The following ARL14EP variants were observed in gnomAD, a reference collection of about 807,000 sequenced individuals.
ARL14EP encodes ARL14 effector protein.
A neutral mutation model predicts 23.1 loss-of-function variants in ARL14EP; 12 were observed. The ratio of observed to expected loss-of-function variants is 0.52; its 90% CI spans 0.33 to 0.84. ARL14EP has a LOEUF of 0.84. Among genes scored for constraint, ARL14EP ranks in the 40% least tolerant of loss-of-function variants. ARL14EP has a pLI of 0.02. For missense variants in ARL14EP, 253 were observed against 307.3 expected, an observed-to-expected ratio of 0.82 and a Z score of 1.32; for synonymous variants, 97 against 102.0, an observed-to-expected ratio of 0.95 and a Z score of 0.29.
Position 30,330,970 on chromosome 11 carries a change from G to T in ARL14EP, c.22G>T (p.Gly8Ter). MMDPCSVGVQLRTTNECH... is the reference protein window; with the variant it reads MMDPCSV Reference sequence around the variant, plus strand: ...AAGAATGATGGATCCATGTTCAGTTGGAGTCCAGCTTCGTACTACAAATGA... The same window carrying T: ...AAGAATGATGGATCCATGTTCAGTTTGAGTCCAGCTTCGTACTACAAATGA... Residue 8 changes from glycine to a stop codon, truncating the protein, a stop_gained, in exon 2 of 4, where the codon GGA (glycine) becomes TGA (stop). Transcript: ENST00000282032. LOFTEE classifies it high-confidence loss of function. The T allele has an allele frequency of 3.1e-6, 5 of 1,613,662 alleles. No homozygotes were observed. The highest frequency in any genetic ancestry group is 3.4e-6 in the Non-Finnish European group (4 of 1,179,726).
chr11:30,335,460 A>G (rs946748196), intron 3 of ARL14EP, among the ~76,000 whole-genome samples: 1 of 152,280 alleles, frequency 6.6e-6, no homozygotes, highest in Non-Finnish European at 1.5e-5. Context: ...CTACAGAGAA[A>G]TCTTTTGTAA....
intron 2 of ARL14EP, among the ~76,000 whole-genome samples, chr11:30,332,466 A>G (rs1452481631): frequency 1.3e-5 from 2 of 152,136 alleles, no homozygotes; most frequent in African/African-American, 4.8e-5. Flanking sequence ...TTGAAATCAT[A>G]TTCTCTGCTC....
At chr11:30,330,093 T>C (rs1268742132) in intron 1 of ARL14EP, 1 of 152,134 alleles carries the variant, frequency 6.6e-6, no homozygotes, top group African/African-American at 2.4e-5. Context: ...TTTTTCCATA[T>C]GGTTAAAGTC....
Position 30,332,997 on chromosome 11 carries a change from G to A in ARL14EP, c.554+4G>A, listed in dbSNP as rs377605857. ...ATGCAACCGCTGGTTCAGACAGGTA[G>A]GCTAAGTGTTACTGAAGACATGTTA... On this transcript the variant is annotated splice_donor_region_variant and intron_variant, in intron 3 of 3. Transcript: ENST00000282032. 3.1e-6 allele frequency: 5 copies of A among 1,612,502 alleles called. No homozygotes were observed. Among genetic ancestry groups the A allele is most frequent in the South Asian group, 1.1e-5 (1 of 90,946 alleles).
intron 1 of ARL14EP, chr11:30,329,076 A>G (rs1947263228): frequency 1.3e-5 from 2 of 152,114 alleles, no homozygotes; most frequent in South Asian, 4.1e-4. Flanking sequence ...TTTTTGGGGA[A>G]AATAATGTTT....
intron 1 of ARL14EP, among the ~76,000 whole-genome samples, chr11:30,327,160 A>G (rs1277127569): frequency 6.6e-6 from 1 of 152,170 alleles, no homozygotes; most frequent in Non-Finnish European, 1.5e-5. Flanking sequence ...CAGAAGGCTG[A>G]GGTGAGAAGA....
Position 30,334,780 on chromosome 11 carries a change from A to G in ARL14EP, c.554+1787A>G, listed in dbSNP as rs112807562. Among the ~76,000 whole-genome samples, 464 of 152,310 alleles carry G rather than the reference A, an allele frequency of 3.0e-3. 2 individuals are homozygous for G. The highest frequency in any genetic ancestry group is 4.6e-3 in the Non-Finnish European group (312 of 68,028). On this transcript the variant is annotated intron_variant, in intron 3 of 3. Transcript: ENST00000282032. ...ACAGCATTGTTCATTGAATATTTTAAGCCCACTTGAGAGACCTCCTGCCTA... is the reference window on the plus strand; with the variant it reads ...ACAGCATTGTTCATTGAATATTTTAGGCCCACTTGAGAGACCTCCTGCCTA...
intron 1 of ARL14EP, chr11:30,328,625 A>AT: frequency 6.6e-6 from 1 of 152,212 alleles, no homozygotes; most frequent in East Asian, 1.9e-4. Context: ...AGTGTATTTT[A>AT]TTTTTTAACT....
intron 1 of ARL14EP, among the ~76,000 whole-genome samples, chr11:30,325,321 T>G (rs1262144547): frequency 6.6e-6 from 1 of 152,196 alleles, no homozygotes; most frequent in Admixed American, 6.5e-5. Context: ...AGCAAATTAT[T>G]CATAAATTCA....
intron 3 of ARL14EP, among the ~76,000 whole-genome samples, chr11:30,335,390 G>T (rs1371002580): frequency 6.6e-6 from 1 of 152,160 alleles, no homozygotes; most frequent in African/African-American, 2.4e-5. Context: ...GAATTTGAGA[G>T]GATGACTCCA....
intron 1 of ARL14EP, chr11:30,328,667 G>C (rs1293329606): frequency 6.6e-6 from 1 of 151,986 alleles, no homozygotes; most frequent in African/African-American, 2.4e-5. Flanking sequence ...CTAAAACACA[G>C]ACATTTATTC....
At position 30,331,244 on chromosome 11, in the gene ARL14EP, C is replaced by G. The variant is rs774960827; in HGVS notation, c.296C>G (p.Thr99Ser). The change falls in exon 2 of 4, where the codon ACT (threonine) becomes AGT (serine). Residue 99 changes from threonine (T) to serine (S), a missense_variant. Coordinates refer to ENST00000282032, the MANE Select transcript of ARL14EP (RefSeq NM_152316.3). ...NLHVIDLDDA[T>S]FLSAKFGRQL... is the part of the protein sequence containing the mutation. The stretch of plus-strand genomic sequence containing the variant: ...CATGTAATTGACTTAGATGATGCCA[C>G]TTTTCTGAGTGCTAAATTTGGAAGA... The G allele has an allele frequency of 6.2e-6, 10 of 1,613,878 alleles. No individual in the cohort carries two copies. Among genetic ancestry groups the G allele is most frequent in the African/African-American group, 1.3e-5 (1 of 74,908 alleles).
chr11:30,327,994 A>G lies in ARL14EP; in HGVS notation c.-63-2892A>G, dbSNP rs554909833. ...CCGTCTCAAAAAATATATATAAAAA[A>G]TAAGAAAGGTCAAAGCCAGATTGTG... is the stretch of plus-strand genomic sequence containing the variant. On this transcript the variant is annotated intron_variant, in intron 1 of 3. Coordinates refer to ENST00000282032, the MANE Select transcript of ARL14EP (RefSeq NM_152316.3). The G allele has an allele frequency of 2.0e-5, 3 of 152,158 alleles. No individual in the cohort carries two copies. The East Asian group carries it at 5.8e-4, about 30-fold the overall frequency. The allele number at this position is 152,158 out of a possible 1,614,324, so 9.4% of individuals were successfully genotyped here.
chr11:30,328,093 T>G (rs201564675), intron 1 of ARL14EP: 1 of 151,826 alleles, frequency 6.6e-6, no homozygotes, highest in Non-Finnish European at 1.5e-5. Context: ...CTTTTTCTCC[T>G]CCTTAATTTA....
At chr11:30,327,987 A>G (rs1477739513) in intron 1 of ARL14EP, 1 of 152,026 alleles carries the variant, frequency 6.6e-6, no homozygotes, top group Non-Finnish European at 1.5e-5. Flanking sequence ...AAAAATATAT[A>G]TAAAAAATAA....
intron 1 of ARL14EP, among the ~76,000 whole-genome samples, chr11:30,324,000 T>C (rs974691391): frequency 3.9e-5 from 6 of 152,214 alleles, no homozygotes; most frequent in Non-Finnish European, 7.3e-5. Flanking sequence ...TGTACCTAGA[T>C]CTTCCTGAGG....
chr11:30,326,538 C>T (rs1230821057), intron 1 of ARL14EP, among the ~76,000 whole-genome samples: 5 of 152,156 alleles, frequency 3.3e-5, no homozygotes, highest in African/African-American at 4.8e-5. Flanking sequence ...TGAGCAAAAA[C>T]AGTTGCTAGG....
intron 1 of ARL14EP, chr11:30,329,592 CATCTT>C (rs1161135453): frequency 2.0e-5 from 3 of 152,172 alleles, no homozygotes; most frequent in Non-Finnish European, 4.4e-5. Flanking sequence ...GAGTTGGACA[CATCTT>C]AACCAGATAT....
chr11:30,325,959 A>G (rs1947232406), intron 1 of ARL14EP, among the ~76,000 whole-genome samples: 1 of 152,186 alleles, frequency 6.6e-6, no homozygotes, highest in Admixed American at 6.5e-5. Context: ...CAGACTTCCC[A>G]TGTAATCAGA....
Sources: allele counts gnomAD v4.1 joint callset (sites outside exome capture counted in the v4.1 genomes callset), GRCh38; gene constraint gnomAD v4.1.1; transcripts MANE v1.5; gene names NCBI Gene and HGNC (gene_info 2026-07-23, HGNC 2026-07-21).